The following HDAC4 variants were observed in gnomAD, a reference collection of about 807,000 sequenced individuals.
HDAC4 encodes the protein histone deacetylase 4.
A neutral mutation model predicts 135.1 loss-of-function variants in HDAC4; 16 were observed. The observed-to-expected ratio is 0.12, with a 90% CI of 0.08 to 0.18. The LOEUF (loss-of-function observed/expected upper bound fraction) is 0.18, where lower values mean the gene tolerates loss of function less well. Among genes scored for constraint, HDAC4 ranks in the 10% least tolerant of loss-of-function variants. The pLI is 1.00. For synonymous variants in HDAC4, 685 were observed against 653.4 expected (o/e 1.05, Z -0.74); for missense variants, 1,143 against 1,511.8 (o/e 0.76, Z 4.05).
chr2:239,143,253 C>CA (rs1289473615), intron 8 of HDAC4, among the ~76,000 whole-genome samples: 3 of 105,184 alleles, frequency 2.9e-5, no homozygotes, highest in Non-Finnish European at 6.5e-5. Flanking sequence ...TCACCCACTG[C>CA]ACACTTTAAA....
At chr2:239,219,297 T>G (rs1332938377) in intron 3 of HDAC4, among the ~76,000 whole-genome samples, 6 of 152,042 alleles carry the variant, frequency 3.9e-5, no homozygotes, top group African/African-American at 2.4e-5. Flanking sequence ...CCATAAAAAA[T>G]GATGACTTCA....
At chr2:239,093,553 C>A (rs1041441677) in intron 17 of HDAC4, among the ~76,000 whole-genome samples, 2 of 152,240 alleles carry the variant, frequency 1.3e-5, no homozygotes, top group Non-Finnish European at 2.9e-5. Flanking sequence ...GAAAACACAT[C>A]CTGCCGGTGG....
At chr2:239,054,989 G>T (rs2106414608) in intron 24 of HDAC4, among the ~76,000 whole-genome samples, 156 bp from the exon 25 acceptor site, 1 of 129,030 alleles carries the variant, frequency 7.8e-6, no homozygotes, top group Non-Finnish European at 1.7e-5. Flanking sequence ...AAAGCCAAAT[G>T]TGCCGTGGTA....
intron 4 of HDAC4, among the ~76,000 whole-genome samples, chr2:239,181,652 C>G (rs1475656969): frequency 2.6e-5 from 4 of 152,244 alleles, no homozygotes; most frequent in Non-Finnish European, 5.9e-5. Flanking sequence ...CCATAGCACG[C>G]TGGCTGGAGG....
At chr2:239,259,169 C>G (rs961095811) in intron 2 of HDAC4, among the ~76,000 whole-genome samples, 1 of 152,174 alleles carries the variant, frequency 6.6e-6, no homozygotes, top group African/African-American at 2.4e-5. Flanking sequence ...TACACTTGGC[C>G]AGATGCAGTG....
chr2:239,180,652 C>G (rs1395496961), intron 4 of HDAC4, among the ~76,000 whole-genome samples: 3 of 152,222 alleles, frequency 2.0e-5, no homozygotes, highest in Non-Finnish European at 4.4e-5. Context: ...ATTGGCCAAC[C>G]AAATGGCATT....
At chr2:239,323,635 A>T (rs1483748700) in intron 2 of HDAC4, among the ~76,000 whole-genome samples, 1 of 152,128 alleles carries the variant, frequency 6.6e-6, no homozygotes, top group Non-Finnish European at 1.5e-5. Flanking sequence ...CCAACGACTT[A>T]GGTGTGTGCG....
chr2:239,291,202 T>C lies in HDAC4; in HGVS notation c.23-54538A>G, dbSNP rs1049099179. 4.9e-4 allele frequency among the ~76,000 whole-genome samples: 74 copies of C among 152,168 alleles called. 1 individual carries two copies. The highest frequency in any genetic ancestry group is 7.3e-5 in the Non-Finnish European group (5 of 68,028). ...TTTTGACTGGGACGCTGCCGTCGAG[T>C]GCCAGGGGGTGTTATGACAAAACTG... On this transcript the variant is annotated intron_variant, in intron 2 of 26. Transcript: ENST00000543185.
chr2:239,385,809 G>C (rs948175903), intron 1 of HDAC4, among the ~76,000 whole-genome samples: 5 of 152,184 alleles, frequency 3.3e-5, no homozygotes, highest in Non-Finnish European at 7.3e-5. Context: ...AGCCACGGAG[G>C]CTGTGATGAC....
rs3791449 is a variant in HDAC4, at chr2:239,126,885, T to G, written c.1295-191A>C. On this transcript the variant is annotated intron_variant, in intron 11 of 26. Coordinates refer to ENST00000543185, the MANE Select transcript of HDAC4 (RefSeq NM_001378414.1). ...GAGGCTGGGGGCCGTGAGCTGGTGC[T>G]TTGGGACTATAGGAACCATAATTTG... 0.17 allele frequency among the ~76,000 whole-genome samples: 25,203 copies of G among 152,236 alleles called. 3,028 individuals are homozygous for G. Among genetic ancestry groups the G allele is most frequent in the African/African-American group, 0.33 (13,843 of 41,536 alleles).
chr2:239,361,029 C>T (rs891518127), intron 1 of HDAC4, among the ~76,000 whole-genome samples: 2 of 152,192 alleles, frequency 1.3e-5, no homozygotes, highest in Non-Finnish European at 2.9e-5. Context: ...ATCGCCCCAC[C>T]CCAGACGCTC....
rs766902918 is a variant in HDAC4 at position 239,240,924 on chromosome 2, G to GA, written c.23-4261dup. On this transcript the variant is annotated intron_variant, in intron 2 of 26. Coordinates refer to ENST00000543185, the MANE Select transcript of HDAC4 (RefSeq NM_001378414.1). The surrounding 1 kb of genome is among the most constrained non-coding windows in gnomAD (Gnocchi z 4.5). Reference sequence around the variant, plus strand: ...GCTTTTCAGAATCCACCTTGCATCAGACGGGTAGGTATGTCTAACCAGAAA... The same window carrying GA: ...GCTTTTCAGAATCCACCTTGCATCAGAACGGGTAGGTATGTCTAACCAGAAA... Among the ~76,000 whole-genome samples, 2 of 151,828 alleles carry GA rather than the reference G, an allele frequency of 1.3e-5. No homozygotes were observed. Among genetic ancestry groups the GA allele is most frequent in the East Asian group, 1.9e-4 (1 of 5,186 alleles).
intron 3 of HDAC4, among the ~76,000 whole-genome samples, chr2:239,223,022 G>A (rs1352609580): frequency 1.3e-5 from 2 of 152,132 alleles, no homozygotes; most frequent in Middle Eastern, 3.2e-3. Flanking sequence ...TAAACCCAAT[G>A]GATAAAAATA....
chr2:239,057,714 C>T (rs559593683), intron 24 of HDAC4, among the ~76,000 whole-genome samples: 12 of 152,276 alleles, frequency 7.9e-5, no homozygotes, highest in African/African-American at 2.2e-4. Context: ...CTCACAAACG[C>T]GAGCTGGGGA....
intron 16 of HDAC4, 150 bp from the exon 17 acceptor site, chr2:239,095,206 CCTGCT>C: frequency 8.5e-6 from 7 of 820,994 alleles, no homozygotes; most frequent in Non-Finnish European, 1.4e-5. Context: ...ACCCTGTGGC[CCTGCT>C]GCAGGGTCAG....
rs375819534 is a variant in HDAC4, at chr2:239,352,731, G to C, written c.-32C>G. ...CAATGTCCACTCCTTTAAGTGATTC[G>C]AAATGGCTCAAAATTTCCACGGAAA... On this transcript the variant is annotated 5_prime_UTR_variant, in exon 2 of 27. Coordinates refer to ENST00000543185, the MANE Select transcript of HDAC4 (RefSeq NM_001378414.1). The surrounding 1 kb of genome is among the most constrained non-coding windows in gnomAD (Gnocchi z 4.4). The C allele has an allele frequency of 6.4e-7, 1 of 1,552,278 alleles. No homozygotes were observed. The highest frequency in any genetic ancestry group is 8.7e-7 in the Non-Finnish European group (1 of 1,146,188).
chr2:239,189,864 T>C lies in HDAC4; in HGVS notation c.308A>G (p.Gln103Arg). ...GTGCTCGTGGAGCTGCGCCTCGTGC[T>C]GCCGGGAGAGCTGCTCGTGCTGCCT... ...FQRQHEQLSR[Q>R]HEAQLHEHIK... The change falls in exon 4 of 27, where the codon CAG becomes CGG. Residue 103 changes from glutamine (Q) to arginine (R), a missense_variant. Coordinates refer to ENST00000543185, the MANE Select transcript of HDAC4 (RefSeq NM_001378414.1). 1 of 1,609,546 alleles carries C rather than the reference T, an allele frequency of 6.2e-7. No individual in the cohort carries two copies. The highest frequency in any genetic ancestry group is 1.1e-5 in the South Asian group (1 of 90,992).
At chr2:239,267,582 C>T (rs984538822) in intron 2 of HDAC4, among the ~76,000 whole-genome samples, 4 of 152,276 alleles carry the variant, frequency 2.6e-5, no homozygotes, top group African/African-American at 7.2e-5. Context: ...AAACCGGAAA[C>T]GTTAAACCAC....
chr2:239,335,052 G>A (rs374853134), intron 2 of HDAC4, among the ~76,000 whole-genome samples: 1 of 147,860 alleles, frequency 6.8e-6, no homozygotes, highest in Admixed American at 6.8e-5. Context: ...AAATCCATAT[G>A]GAAATGCAAA....
Sources: allele counts gnomAD v4.1 joint callset (sites outside exome capture counted in the v4.1 genomes callset), GRCh38; gene constraint gnomAD v4.1.1; non-coding constraint Gnocchi (gnomAD v3.1); transcripts MANE v1.5; gene names NCBI Gene and HGNC (gene_info 2026-07-23, HGNC 2026-07-21).